Variants in PPP1R27 observed in about 807,000 individuals in gnomAD.
The protein encoded by PPP1R27 is dysferlin interacting protein 1.
A neutral mutation model predicts 12.0 loss-of-function variants in PPP1R27; 10 were observed. The observed-to-expected ratio is 0.84, with a 90% CI of 0.52 to 1.42. The LOEUF (loss-of-function observed/expected upper bound fraction) is 1.42. Ranked by LOEUF, PPP1R27 falls within the 40% of genes most tolerant of loss-of-function variation. The pLI, the probability that PPP1R27 is intolerant of heterozygous loss-of-function variation, is 0.00. For synonymous variants in PPP1R27, 98 were observed against 89.3 expected, an observed-to-expected ratio of 1.10 and a Z score of -0.55; for missense variants, 246 against 215.3, an observed-to-expected ratio of 1.14 and a Z score of -0.89.
In PPP1R27 at chr17:81,834,513, C is replaced by T. The variant is rs1223148348; in HGVS notation, c.331G>A (p.Asp111Asn). ...LHIACSDGYP[D>N]IARYLISLGA... The stretch of plus-strand genomic sequence containing the variant: ...CCAGGGCCCCCTCACCTGGCTATGT[C>T]AGGGTACCCATCGCTGCAGGCAATG... The change falls in exon 2 of 3, where the codon GAC becomes AAC. Residue 111 changes from aspartate (D) to asparagine (N), a missense_variant. Coordinates refer to ENST00000330261, the MANE Select transcript of PPP1R27 (RefSeq NM_001007533.4). 1 of 1,613,968 alleles carries T rather than the reference C, an allele frequency of 6.2e-7. No homozygotes were observed. Among genetic ancestry groups the T allele is most frequent in the African/African-American group, 1.3e-5 (1 of 75,054 alleles).
At position 81,834,958 on chromosome 17, in the gene PPP1R27, G is replaced by C. The variant is rs769580300; in HGVS notation, c.-5C>G. 6.3e-7 allele frequency: 1 copy of C among 1,591,250 alleles called. No individual in the cohort carries two copies. Among genetic ancestry groups the C allele is most frequent in the South Asian group, 1.1e-5 (1 of 88,382 alleles). On this transcript the variant is annotated 5_prime_UTR_variant, in exon 1 of 3. Coordinates refer to ENST00000330261, the MANE Select transcript of PPP1R27 (RefSeq NM_001007533.4). ...GCGGGCAGTTCTGCTAGGCATCTTG[G>C]GCGCTGTGGGGCAGGTTGCCCCTGG...
chr17:81,834,281 A>T, intron 2 of PPP1R27: 1 of 552,982 alleles, frequency 1.8e-6, no homozygotes, highest in Middle Eastern at 4.8e-4. Flanking sequence ...TTGTATTTTT[A>T]GTAGTGAGAG....
At position 81,834,772 on chromosome 17, in the gene PPP1R27, T is replaced by C. The variant is rs1461694474; in HGVS notation, c.182A>G (p.His61Arg). 1 of 1,611,910 alleles carries C rather than the reference T, an allele frequency of 6.2e-7. No homozygotes were observed. The highest frequency in any genetic ancestry group is 8.5e-7 in the Non-Finnish European group (1 of 1,178,964). The change falls in exon 1 of 3, where the codon CAC (histidine) becomes CGC (arginine). Residue 61 changes from histidine (H) to arginine (R), a missense_variant. By Grantham distance (29) the His-to-Arg change is conservative. Coordinates refer to ENST00000330261, the MANE Select transcript of PPP1R27 (RefSeq NM_001007533.4). ...TTCCAGGCTTTGCTCACCTGAGGGG[T>C]GGATGGTGGCCAGGGAGACTTTCCG... ...RTRKVSLATI[H>R]PSGLAALHEA...
In PPP1R27 at chr17:81,834,732, G is replaced by A. The variant is rs555840104; in HGVS notation, c.190+32C>T. On this transcript the variant is annotated intron_variant, in intron 1 of 2. Coordinates refer to ENST00000330261, the MANE Select transcript of PPP1R27 (RefSeq NM_001007533.4). Reference sequence around the variant, plus strand: ...TGCTGGCCTCTCCCACCACCCCACAGGCCCTGGCCAGCTCTTCCAGGCTTT... The same window carrying A: ...TGCTGGCCTCTCCCACCACCCCACAAGCCCTGGCCAGCTCTTCCAGGCTTT... 1.1e-5 allele frequency: 18 copies of A among 1,609,750 alleles called. No individual in the cohort carries two copies. In the African/African-American group the frequency reaches 2.1e-4, roughly 19 times the overall value.
At chr17:81,834,084 G>A (rs993355313) in intron 2 of PPP1R27, 87 of 526,408 alleles carry the variant, frequency 1.7e-4, no homozygotes, top group Admixed American at 2.9e-4. Context: ...AAGCCTCTAG[G>A]GTTTGCAGGG....
intron 2 of PPP1R27, chr17:81,834,135 C>T (rs2038580842): frequency 4.3e-6 from 2 of 464,986 alleles, no homozygotes; most frequent in African/African-American, 2.0e-5. Flanking sequence ...CAGAATTTCG[C>T]TCTTATCACC....
Position 81,833,756 on chromosome 17 carries a change from C to A in PPP1R27, c.438G>T (p.Glu146Asp). 1 of 1,551,970 alleles carries A rather than the reference C, an allele frequency of 6.4e-7. No individual in the cohort carries two copies. Among genetic ancestry groups the A allele is most frequent in the African/African-American group, 1.4e-5 (1 of 73,232 alleles). The part of the protein sequence containing the change: ...LIDPDYKELV[E>D]LFKGTTMD ...AGTCCATCGTGGTCCCTTTGAAGAG[C>A]TCCACCAGCTCCTTGTAGTCCGGGT... Residue 146 changes from glutamate (E) to aspartate (D), a missense_variant, in exon 3 of 3, where the codon GAG becomes GAT. Glu to Asp is a conservative substitution (Grantham distance 45). Coordinates refer to ENST00000330261, the MANE Select transcript of PPP1R27 (RefSeq NM_001007533.4).
In PPP1R27 at chr17:81,833,751, A is replaced by G. The variant is rs1434236179; in HGVS notation, c.443T>C (p.Phe148Ser). 1 of 1,551,476 alleles carries G rather than the reference A, an allele frequency of 6.4e-7. No homozygotes were observed. The highest frequency in any genetic ancestry group is 8.7e-7 in the Non-Finnish European group (1 of 1,147,500). ...GGCTCAGTCCATCGTGGTCCCTTTG[A>G]AGAGCTCCACCAGCTCCTTGTAGTC... is the stretch of plus-strand genomic sequence containing the variant. ...DPDYKELVEL[F>S]KGTTMD Residue 148 changes from phenylalanine to serine, a missense_variant, in exon 3 of 3, where the codon TTC becomes TCC. By Grantham distance (155) the Phe-to-Ser change is radical. Transcript: ENST00000330261.
At chr17:81,833,875 G>T in intron 2 of PPP1R27, 23 bp from the exon 3 acceptor site, 1 of 1,592,096 alleles carries the variant, frequency 6.3e-7, no homozygotes, top group Admixed American at 1.8e-5. Context: ...GGTCGCTCTG[G>T]CTGAAGCGGG....
intron 2 of PPP1R27, chr17:81,834,258 C>A (rs2038582897): frequency 3.8e-6 from 2 of 522,954 alleles, no homozygotes; most frequent in Non-Finnish European, 6.8e-6. Flanking sequence ...CGCGCCACCA[C>A]GCGTGGCTAA....
At position 81,833,537 on chromosome 17, in the gene PPP1R27, T is replaced by C; in HGVS notation, c.*192A>G. ...CCCCTCACCTGGGAGTCACGTTTAT[T>C]GAAAAAGTAAAAAGTGTCACAGTAA... On this transcript the variant is annotated 3_prime_UTR_variant, in exon 3 of 3. Transcript: ENST00000330261. The C allele has an allele frequency of 1.7e-6, 1 of 589,324 alleles. No individual in the cohort carries two copies. 36.5% of individuals were successfully genotyped at this position (589,324 alleles called of 1,614,324 possible). A position where few individuals can be genotyped will look rare whatever the true frequency, so the allele number is the denominator to read the frequency against.
rs369031370 is a variant in PPP1R27, at chr17:81,835,001, G to A, written c.-48C>T. ...GCCCCTGGGGACCCTACTGCACTGG[G>A]GTTAATAATGTATCCGGTCCCGACC... is the stretch of plus-strand genomic sequence containing the variant. On this transcript the variant is annotated 5_prime_UTR_variant, in exon 1 of 3. Transcript: ENST00000330261. 2.0e-6 allele frequency: 3 copies of A among 1,500,452 alleles called. No homozygotes were observed. The highest frequency in any genetic ancestry group is 2.4e-5 in the East Asian group (1 of 42,396). The allele number at this position is 1,500,452 out of a possible 1,614,324, so 92.9% of individuals were successfully genotyped here.
intron 2 of PPP1R27, 22 bp from the exon 3 acceptor site, chr17:81,833,874 G>A (rs377553538): frequency 1.3e-6 from 2 of 1,592,180 alleles, no homozygotes; most frequent in African/African-American, 1.3e-5. Context: ...AGGTCGCTCT[G>A]GCTGAAGCGG....
rs2143280732 is a variant in PPP1R27 at position 81,833,797 on chromosome 17, G to A, written c.397C>T (p.Pro133Ser). Residue 133 changes from proline to serine, a missense_variant, in exon 3 of 3, where the codon CCC becomes TCC. Coordinates refer to ENST00000330261, the MANE Select transcript of PPP1R27 (RefSeq NM_001007533.4). Reference protein sequence around the residue: ...RDATNDDGDLPSDLIDPDYKE... With the variant: ...RDATNDDGDLSSDLIDPDYKE... ...TAGTCCGGGTCGATGAGGTCGGAGG[G>A]CAGGTCGCCATCGTCGTTGGTTGCA... 6.4e-7 allele frequency: 1 copy of A among 1,566,428 alleles called. No homozygotes were observed. Among genetic ancestry groups the A allele is most frequent in the Non-Finnish European group, 8.7e-7 (1 of 1,155,402 alleles).
rs1308374850 is a variant in PPP1R27 at position 81,833,856 on chromosome 17, G to T, written c.342-4C>A. The T allele has an allele frequency of 1.9e-6, 3 of 1,595,722 alleles. No individual in the cohort carries two copies. Among genetic ancestry groups the T allele is most frequent in the Non-Finnish European group, 2.6e-6 (3 of 1,171,616 alleles). Reference sequence around the variant, plus strand: ...CGCTCCCAGGGAGATAAGGTACCTGGGGTGTAAAGGTCGCTCTGGCTGAAG... The same window carrying T: ...CGCTCCCAGGGAGATAAGGTACCTGTGGTGTAAAGGTCGCTCTGGCTGAAG... On this transcript the variant is annotated splice_polypyrimidine_tract_variant and splice_region_variant and intron_variant, in intron 2 of 2. Transcript: ENST00000330261.
At position 81,833,629 on chromosome 17, in the gene PPP1R27, C is replaced by T; in HGVS notation, c.*100G>A. On this transcript the variant is annotated 3_prime_UTR_variant, in exon 3 of 3. Coordinates refer to ENST00000330261, the MANE Select transcript of PPP1R27 (RefSeq NM_001007533.4). ...GGGGTCGTGGAGGGACGGGTCCGGC[C>T]GCCCCTGGCCCACGGGTGGGGCACG... The T allele has an allele frequency of 1.5e-6, 2 of 1,333,486 alleles. No homozygotes were observed. Among genetic ancestry groups the T allele is most frequent in the South Asian group, 1.5e-5 (1 of 67,504 alleles). The allele number at this position is 1,333,486 out of a possible 1,614,324, so 82.6% of individuals were successfully genotyped here.
At chr17:81,833,970 T>C (rs996525909) in intron 2 of PPP1R27, 118 bp from the exon 3 acceptor site, 4 of 1,233,310 alleles carry the variant, frequency 3.2e-6, no homozygotes, top group Non-Finnish European at 4.5e-6. Flanking sequence ...CTTGGGGTCC[T>C]AAGGTCCGGG....
intron 1 of PPP1R27, 48 bp from the exon 2 acceptor site, chr17:81,834,701 C>G (rs1490894631): frequency 6.2e-7 from 1 of 1,611,534 alleles, no homozygotes; most frequent in Non-Finnish European, 8.5e-7. Context: ...CAGGTCAGGT[C>G]CTCCTTGCTG....
rs963706157 is a variant in PPP1R27, at chr17:81,833,816, G to T, written c.378C>A (p.Thr126=). 22 of 1,580,692 alleles carry T rather than the reference G, an allele frequency of 1.4e-5. No individual in the cohort carries two copies. Among genetic ancestry groups the T allele is most frequent in the Admixed American group, 1.8e-5 (1 of 54,838 alleles). ...CGGAGGGCAGGTCGCCATCGTCGTT[G>T]GTTGCATCCCTGTCCGCTCCCAGGG... ...LISLGADRDA[T]NDDGDLPSDL... Residue 126 remains threonine, a synonymous_variant, in exon 3 of 3, where the codon ACC becomes ACA. Coordinates refer to ENST00000330261, the MANE Select transcript of PPP1R27 (RefSeq NM_001007533.4).
Sources: gnomAD v4.1 joint callset for allele counts on GRCh38, gnomAD v4.1.1 for gene constraint, MANE v1.5 for transcripts, NCBI Gene and HGNC (gene_info 2026-07-23, HGNC 2026-07-21) for gene names.